Variants in KCTD10 observed in about 807,000 individuals in gnomAD.
KCTD10 encodes potassium channel tetramerization domain containing 10, also known as BTB/POZ domain-containing adapter for CUL3-mediated RhoA degradation protein 3.
Under a neutral mutation model 34.6 loss-of-function variants are expected in KCTD10, and 13 were observed. That is an observed-to-expected ratio of 0.38 (90% CI 0.24 to 0.60). The LOEUF (loss-of-function observed/expected upper bound fraction) is 0.60, where lower values mean the gene tolerates loss of function less well. Among genes scored for constraint, KCTD10 ranks in the 20% least tolerant of loss-of-function variants. The pLI, the probability that KCTD10 is intolerant of heterozygous loss-of-function variation, is 0.66. For missense variants in KCTD10, 256 were observed against 420.3 expected (o/e 0.61, Z 3.42); for synonymous variants, 156 against 168.8 (o/e 0.92, Z 0.59).
chr12:109,461,583 C>T (rs1873332919), intron 2 of KCTD10, among the ~76,000 whole-genome samples: 1 of 152,212 alleles, frequency 6.6e-6, no homozygotes, highest in Admixed American at 6.5e-5. Flanking sequence ...ACTGAGCTGA[C>T]ATTCCTCCAC....
At chr12:109,475,357 G>A (rs1015400781) in intron 1 of KCTD10, among the ~76,000 whole-genome samples, 30 of 152,226 alleles carry the variant, frequency 2.0e-4, no homozygotes, top group African/African-American at 7.2e-4. Context: ...CACACCTGTA[G>A]TCCCAGCTAC....
chr12:109,456,046 T>C, intron 6 of KCTD10, 72 bp downstream of exon 6: 2 of 1,409,056 alleles, frequency 1.4e-6, no homozygotes, highest in Non-Finnish European at 2.0e-6. Flanking sequence ...TGTATTGGGC[T>C]CAAGTGAAAG....
intron 1 of KCTD10, among the ~76,000 whole-genome samples, chr12:109,474,546 CAG>C (rs1378774015): frequency 6.6e-6 from 1 of 152,090 alleles, no homozygotes; most frequent in Non-Finnish European, 1.5e-5. Context: ...GACTAGGCAA[CAG>C]AATTTTTAAA....
chr12:109,468,518 T>C (rs1460336730), intron 2 of KCTD10, among the ~76,000 whole-genome samples: 2 of 152,092 alleles, frequency 1.3e-5, no homozygotes, highest in East Asian at 3.9e-4. Context: ...TGAAGGATGG[T>C]ACTATTTTTA....
At chr12:109,474,081 A>G (rs1449106139) in intron 1 of KCTD10, among the ~76,000 whole-genome samples, 1 of 151,854 alleles carries the variant, frequency 6.6e-6, no homozygotes, top group Non-Finnish European at 1.5e-5. Context: ...GCGACTGGCT[A>G]ATTTTGTATT....
intron 2 of KCTD10, among the ~76,000 whole-genome samples, chr12:109,467,160 T>C (rs1213943605): frequency 6.6e-6 from 1 of 152,214 alleles, no homozygotes; most frequent in African/African-American, 2.4e-5. Flanking sequence ...CAACTAGCCA[T>C]GGACAGCAGA....
chr12:109,468,713 C>T (rs1367723047), intron 2 of KCTD10, among the ~76,000 whole-genome samples: 2 of 143,330 alleles, frequency 1.4e-5, no homozygotes, highest in African/African-American at 2.6e-5. Flanking sequence ...AGTGCAGTGG[C>T]GCGATCTCAG....
At chr12:109,453,642 T>A (rs1039358220) in intron 6 of KCTD10, among the ~76,000 whole-genome samples, 3 of 152,178 alleles carry the variant, frequency 2.0e-5, no homozygotes, top group Non-Finnish European at 4.4e-5. Context: ...TTGCTTTTTC[T>A]ATCTTCATGC....
In KCTD10 at chr12:109,456,542, G is replaced by T; in HGVS notation, c.528-229C>A. The T allele has an allele frequency of 5.4e-6, 3 of 551,528 alleles. No individual in the cohort carries two copies. In the South Asian group the frequency reaches 6.0e-5, roughly 11 times the overall value. The allele number at this position is 551,528 out of a possible 1,614,324, so 34.2% of individuals were successfully genotyped here. A position where few individuals can be genotyped will look rare whatever the true frequency, so the allele number is the denominator to read the frequency against. Reference sequence around the variant, plus strand: ...GCTGAACCTAATAAATGGCAGACACGCCCCCCAAAAGACAGCCCTGGCCCC... The same window carrying T: ...GCTGAACCTAATAAATGGCAGACACTCCCCCCAAAAGACAGCCCTGGCCCC... On this transcript the variant is annotated intron_variant, in intron 5 of 6. Coordinates refer to ENST00000228495, the MANE Select transcript of KCTD10 (RefSeq NM_031954.5).
At chr12:109,464,524 C>A (rs965440109) in intron 2 of KCTD10, among the ~76,000 whole-genome samples, 4 of 152,138 alleles carry the variant, frequency 2.6e-5, no homozygotes, top group Non-Finnish European at 5.9e-5. Flanking sequence ...GCGATTTAAA[C>A]TCTGAGGTTT....
At chr12:109,452,326 C>T (rs1409823164) in intron 6 of KCTD10, among the ~76,000 whole-genome samples, 7 of 152,242 alleles carry the variant, frequency 4.6e-5, no homozygotes, top group Non-Finnish European at 1.0e-4. Flanking sequence ...GAAGTCCTTC[C>T]ACACCTTAAA....
chr12:109,463,851 C>G (rs1469672800), intron 2 of KCTD10, among the ~76,000 whole-genome samples: 1 of 152,178 alleles, frequency 6.6e-6, no homozygotes, highest in East Asian at 1.9e-4. Context: ...CTGGGTCTAC[C>G]AACAGCACTC....
intron 2 of KCTD10, among the ~76,000 whole-genome samples, chr12:109,467,864 G>C (rs1329574219): frequency 6.6e-6 from 1 of 152,070 alleles, no homozygotes; most frequent in Non-Finnish European, 1.5e-5. Flanking sequence ...TCGGGGACAG[G>C]GGGACAGAGG....
In KCTD10 at chr12:109,451,544, A is replaced by G; in HGVS notation, c.*51T>C. 10 of 1,536,176 alleles carry G rather than the reference A, an allele frequency of 6.5e-6. No individual in the cohort carries two copies. Among genetic ancestry groups the G allele is most frequent in the Non-Finnish European group, 8.8e-6 (10 of 1,130,218 alleles). ...AGCCTGCACAGGATCTGGGTGTAGCACGGCAGGGAGTGGGGGCGGTGAGAG... is the reference window on the plus strand; with the variant it reads ...AGCCTGCACAGGATCTGGGTGTAGCGCGGCAGGGAGTGGGGGCGGTGAGAG... On this transcript the variant is annotated 3_prime_UTR_variant, in exon 7 of 7. Transcript: ENST00000228495. The surrounding 1 kb of genome is among the most constrained non-coding windows in gnomAD (Gnocchi z 5.0).
At chr12:109,454,331 C>A (rs1363452030) in intron 6 of KCTD10, among the ~76,000 whole-genome samples, 1 of 152,178 alleles carries the variant, frequency 6.6e-6, no homozygotes, top group African/African-American at 2.4e-5. Context: ...ACAGAAAAAC[C>A]AAATGAGCAC....
At chr12:109,469,755 T>C (rs757952804) in intron 1 of KCTD10, 27 bp from the exon 2 acceptor site, 1 of 1,612,946 alleles carries the variant, frequency 6.2e-7, no homozygotes, top group Non-Finnish European at 8.5e-7. Context: ...TACAGGGTCA[T>C]GACATCAGGC....
chr12:109,473,579 T>G (rs1332855068), intron 1 of KCTD10, among the ~76,000 whole-genome samples: 1 of 152,112 alleles, frequency 6.6e-6, no homozygotes, highest in Non-Finnish European at 1.5e-5. Context: ...CAACAAAAGC[T>G]CTAAACCTTT....
At chr12:109,453,069 T>C (rs1872857881) in intron 6 of KCTD10, among the ~76,000 whole-genome samples, 1 of 152,142 alleles carries the variant, frequency 6.6e-6, no homozygotes, top group South Asian at 2.1e-4. Flanking sequence ...TCTTTTCTCT[T>C]TTTTGTTTTG....
At position 109,449,361 on chromosome 12, in the gene KCTD10, C is replaced by A. The variant is rs908762479; in HGVS notation, c.*2234G>T. 6.6e-6 allele frequency: 1 copy of A among 152,244 alleles called. No homozygotes were observed. Among genetic ancestry groups the A allele is most frequent in the Non-Finnish European group, 1.5e-5 (1 of 68,058 alleles). The allele number at this position is 152,244 out of a possible 1,614,324, so 9.4% of individuals were successfully genotyped here. On this transcript the variant is annotated 3_prime_UTR_variant, in exon 7 of 7. Coordinates refer to ENST00000228495, the MANE Select transcript of KCTD10 (RefSeq NM_031954.5). Reference sequence around the variant, plus strand: ...GTTGGGTAGAGAGAGCTGCCAGAAACACTAGCTCATTAGGCATAGAGGCCA... The same window carrying A: ...GTTGGGTAGAGAGAGCTGCCAGAAAAACTAGCTCATTAGGCATAGAGGCCA...
Sources: allele counts gnomAD v4.1 joint callset (sites outside exome capture counted in the v4.1 genomes callset), GRCh38; gene constraint gnomAD v4.1.1; non-coding constraint Gnocchi (gnomAD v3.1); transcripts MANE v1.5; gene names NCBI Gene and HGNC (gene_info 2026-07-23, HGNC 2026-07-21).